The following PI4KA variants were observed in gnomAD, a reference collection of about 807,000 sequenced individuals.
PI4KA encodes PI4-kinase alpha.
PI4KA carries 122 observed loss-of-function variants against 271.4 expected under a neutral mutation model. That is an observed-to-expected ratio of 0.45 (90% CI 0.39 to 0.52). The LOEUF is 0.52. Among genes scored for constraint, PI4KA ranks in the 20% least tolerant of loss-of-function variants. The pLI is 0.00. For synonymous variants in PI4KA, 1,041 were observed against 1,078.8 expected (o/e 0.96, Z 0.69); for missense variants, 1,969 against 2,769.1 (o/e 0.71, Z 6.48).
At chr22:20,775,199 A>C (rs1933172724) in intron 19 of PI4KA, among the ~76,000 whole-genome samples, 1 of 152,176 alleles carries the variant, frequency 6.6e-6, no homozygotes, top group Non-Finnish European at 1.5e-5. Context: ...CCCAGGAAAA[A>C]AAAAAAGCAA....
intron 1 of PI4KA, among the ~76,000 whole-genome samples, chr22:20,848,334 C>A (rs1313817892): frequency 6.6e-6 from 1 of 151,304 alleles, no homozygotes; most frequent in African/African-American, 2.4e-5. Context: ...TAGGTGAGTT[C>A]TTTGCAGAAA....
At chr22:20,779,469 C>T in intron 19 of PI4KA, 1 of 1,614,172 alleles carries the variant, frequency 6.2e-7, no homozygotes, top group Non-Finnish European at 8.5e-7. Flanking sequence ...CCTGAGCATG[C>T]CTCTTCTCCC....
intron 36 of PI4KA, among the ~76,000 whole-genome samples, chr22:20,732,733 C>T (rs1368408662): frequency 2.6e-5 from 4 of 152,204 alleles, no homozygotes; most frequent in Admixed American, 1.3e-4. Flanking sequence ...AGGGAAAGTG[C>T]GGTGAGTGGA....
intron 18 of PI4KA, among the ~76,000 whole-genome samples, chr22:20,794,699 C>T (rs980314213): frequency 6.6e-6 from 1 of 152,176 alleles, no homozygotes; most frequent in East Asian, 1.9e-4. Context: ...CACCACCCTG[C>T]CCTGTTTCAC....
At position 20,729,422 on chromosome 22, in the gene PI4KA, C is replaced by T. The variant is rs766826857; in HGVS notation, c.4573G>A (p.Val1525Met). 4.3e-6 allele frequency: 7 copies of T among 1,613,464 alleles called. No individual in the cohort carries two copies. The African/African-American group carries it at 5.3e-5, about 12-fold the overall frequency. ...LELDQAGENS[V>M]ANWRSKYISL... ...ATGTACTTAGATCTCCAGTTGGCCA[C>T]GCTGTTCTCTCCGGCCTGGTCTAGT... The change falls in exon 39 of 55, where the codon GTG becomes ATG. Residue 1525 changes from valine to methionine, a missense_variant. Physicochemically the swap from Val to Met is conservative, Grantham distance 21. Coordinates refer to ENST00000255882, the MANE Select transcript of PI4KA (RefSeq NM_058004.4).
chr22:20,751,844 C>A lies in PI4KA; in HGVS notation c.2988-89G>T, dbSNP rs773905378. The A allele has an allele frequency of 1.4e-5, 16 of 1,146,508 alleles. No individual in the cohort carries two copies. In the South Asian group the frequency reaches 2.1e-4, roughly 15 times the overall value. The allele number at this position is 1,146,508 out of a possible 1,614,324, so 71.0% of individuals were successfully genotyped here. On this transcript the variant is annotated intron_variant, in intron 25 of 54. Transcript: ENST00000255882. ...GCCCCCTCAGCTGCCAGCCCGAGCC[C>A]ATATCTGCTTCAGGCCAGCTGAAGG...
chr22:20,753,953 T>G (rs2147340750), intron 23 of PI4KA, among the ~76,000 whole-genome samples: 1 of 152,368 alleles, frequency 6.6e-6, no homozygotes, highest in Non-Finnish European at 1.5e-5. Flanking sequence ...CCCAAAGTGC[T>G]GGGATTACAG....
In PI4KA at chr22:20,714,622, G is replaced by T; in HGVS notation, c.5390+6C>A. On this transcript the variant is annotated splice_donor_region_variant and intron_variant, in intron 46 of 54. Transcript: ENST00000255882. ...AAGTGGGGGATGGGTAGGGTGAGGC[G>T]CCCACCTCTGCATCGGGGTCCCAGA... The T allele has an allele frequency of 1.2e-6, 2 of 1,613,950 alleles. No individual in the cohort carries two copies. The highest frequency in any genetic ancestry group is 1.7e-6 in the Non-Finnish European group (2 of 1,179,860).
At chr22:20,779,997 C>T in intron 19 of PI4KA, 1 of 1,614,176 alleles carries the variant, frequency 6.2e-7, no homozygotes, top group African/African-American at 1.3e-5. Context: ...TATCCAGAAG[C>T]AGTTTCCAAT....
intron 2 of PI4KA, 77 bp from the exon 3 acceptor site, chr22:20,834,732 C>A: frequency 1.1e-6 from 1 of 875,188 alleles, no homozygotes; most frequent in Non-Finnish European, 1.9e-6. Flanking sequence ...CAGATTAAGC[C>A]CAAAGCAAAG....
intron 32 of PI4KA, among the ~76,000 whole-genome samples, chr22:20,740,781 C>G (rs1228170505): frequency 1.3e-5 from 2 of 152,134 alleles, no homozygotes. Flanking sequence ...ACAATGCAAG[C>G]TACTAGACAA....
chr22:20,810,038 T>C (rs1935903645), intron 9 of PI4KA, among the ~76,000 whole-genome samples: 1 of 152,098 alleles, frequency 6.6e-6, no homozygotes, highest in African/African-American at 2.4e-5. Context: ...CAATAAGGAA[T>C]CTGGGTCAGG....
intron 19 of PI4KA, among the ~76,000 whole-genome samples, chr22:20,783,807 A>G (rs986382440): frequency 7.2e-5 from 11 of 152,180 alleles, no homozygotes; most frequent in Admixed American, 2.6e-4. Flanking sequence ...CTTGTTAGAA[A>G]TGCAAATTTC....
At chr22:20,730,065 C>T in intron 36 of PI4KA, 54 bp from the exon 37 acceptor site, 1 of 1,595,710 alleles carries the variant, frequency 6.3e-7, no homozygotes, top group African/African-American at 1.3e-5. Flanking sequence ...GAAAAGGTAC[C>T]ACAAAAAATA....
intron 32 of PI4KA, among the ~76,000 whole-genome samples, chr22:20,741,177 G>C (rs1213419474): frequency 6.6e-6 from 1 of 152,190 alleles, no homozygotes; most frequent in Non-Finnish European, 1.5e-5. Context: ...ATGGCAGTGG[G>C]TATCCACAGT....
chr22:20,742,296 G>C lies in PI4KA; in HGVS notation c.3673C>G (p.His1225Asp), dbSNP rs949145442. 1 of 1,614,194 alleles carries C rather than the reference G, an allele frequency of 6.2e-7. No individual in the cohort carries two copies. Among genetic ancestry groups the C allele is most frequent in the Non-Finnish European group, 8.5e-7 (1 of 1,180,034 alleles). ...CAGGCCAGGGCCGTCTCCATGCCAT[G>C]CTCATTGAACATCCGGAGGGGACCC... ...CWGPLRMFNEHGMETALACWE... is the reference protein window; with the variant it reads ...CWGPLRMFNEDGMETALACWE... The change falls in exon 32 of 55, where the codon CAT becomes GAT. Residue 1225 changes from histidine (H) to aspartate (D), a missense_variant. By Grantham distance (81) the His-to-Asp change is moderately conservative (BLOSUM62 -1). Around this residue, in one of 13 missense-constraint regions of PI4KA, gnomAD observed 203 missense variants for 256.8 expected, o/e 0.79. Transcript: ENST00000255882.
At chr22:20,830,738 A>AG (rs1924047320) in intron 3 of PI4KA, among the ~76,000 whole-genome samples, 1 of 152,028 alleles carries the variant, frequency 6.6e-6, no homozygotes, top group Non-Finnish European at 1.5e-5. Flanking sequence ...TAGTGTCACT[A>AG]GTCTAGGTAC....
In PI4KA at chr22:20,747,567, G is replaced by A. The variant is rs1211691302; in HGVS notation, c.3363+16C>T. 3.1e-6 allele frequency: 5 copies of A among 1,613,110 alleles called. No homozygotes were observed. Among genetic ancestry groups the A allele is most frequent in the African/African-American group, 1.3e-5 (1 of 74,862 alleles). The stretch of plus-strand genomic sequence containing the variant: ...TGGTCTAAGGGGTCACTGCTCTTCA[G>A]AAGGCTCGCACATACCCCAAGAGTT... On this transcript the variant is annotated intron_variant, in intron 29 of 54. Transcript: ENST00000255882.
At chr22:20,797,149 C>G (rs1003401214) in intron 17 of PI4KA, among the ~76,000 whole-genome samples, 1 of 152,180 alleles carries the variant, frequency 6.6e-6, no homozygotes, top group African/African-American at 2.4e-5. Flanking sequence ...CGGCAAAAGG[C>G]ACTGCAGTTA....
Sources: gnomAD v4.1 joint callset for allele counts (sites outside exome capture counted in the v4.1 genomes callset) on GRCh38, gnomAD v4.1.1 for gene constraint, gnomAD v4.1.1 regional missense constraint, MANE v1.5 for transcripts, NCBI Gene and HGNC (gene_info 2026-07-23, HGNC 2026-07-21) for gene names.